ABLIM1: variants seen among roughly 807,000 people sequenced by gnomAD.
ABLIM1 encodes the protein actin binding LIM protein 1.
Under a neutral mutation model 107.0 loss-of-function variants are expected in ABLIM1, and 40 were observed. That is an observed-to-expected ratio of 0.37 (90% CI 0.29 to 0.49). The LOEUF is 0.49. Among genes scored for constraint, ABLIM1 ranks in the 20% least tolerant of loss-of-function variants. The pLI is 0.97. For missense variants in ABLIM1, 857 were observed against 1,008.5 expected (o/e 0.85, Z 2.04); for synonymous variants, 357 against 357.3 (o/e 1.00, Z 0.01).
chr10:114,500,390 G>A (rs1395838581), intron 6 of ABLIM1, among the ~76,000 whole-genome samples: 1 of 152,114 alleles, frequency 6.6e-6, no homozygotes, highest in Non-Finnish European at 1.5e-5. Context: ...TTCTTCACCT[G>A]TAAAAACTAG....
chr10:114,482,870 G>C (rs555300593), intron 8 of ABLIM1, among the ~76,000 whole-genome samples: 1 of 152,164 alleles, frequency 6.6e-6, no homozygotes, highest in South Asian at 2.1e-4. Flanking sequence ...TTTTCTTCAA[G>C]TCATGAAAAT....
At chr10:114,568,947 G>A (rs1316888165) in intron 4 of ABLIM1, among the ~76,000 whole-genome samples, 1 of 152,018 alleles carries the variant, frequency 6.6e-6, no homozygotes, top group Non-Finnish European at 1.5e-5. Flanking sequence ...TCAACATTTC[G>A]GTAGAGCTGT....
intron 1 of ABLIM1, among the ~76,000 whole-genome samples, chr10:114,673,797 C>A (rs368378464): frequency 7.2e-5 from 11 of 152,166 alleles, no homozygotes; most frequent in Admixed American, 7.2e-4. Flanking sequence ...TATTTGGACA[C>A]GATGACGGGC....
chr10:114,448,383 A>T, intron 14 of ABLIM1, among the ~76,000 whole-genome samples: 1 of 152,190 alleles, frequency 6.6e-6, no homozygotes, highest in Non-Finnish European at 1.5e-5. Context: ...GTCACATGTG[A>T]TTAGTGCCTA....
intron 2 of ABLIM1, among the ~76,000 whole-genome samples, chr10:114,598,837 T>G (rs1022240998): frequency 1.3e-5 from 2 of 149,782 alleles, no homozygotes; most frequent in African/African-American, 2.5e-5. Flanking sequence ...GTGGCTTGCA[T>G]TTTTTTTTTA....
chr10:114,637,503 C>A (rs1200275497), intron 1 of ABLIM1, among the ~76,000 whole-genome samples: 1 of 152,114 alleles, frequency 6.6e-6, no homozygotes, highest in Admixed American at 6.5e-5. Context: ...AATCAATGCC[C>A]GGCAAAGTTC....
At chr10:114,446,150 C>T (rs7100763) in intron 15 of ABLIM1, among the ~76,000 whole-genome samples, 33,993 of 152,092 alleles carry the variant, frequency 0.22, 4,846 homozygotes, top group African/African-American at 0.41. Flanking sequence ...TTGTGACATG[C>T]GTTTAAACCT....
At chr10:114,614,660 G>A (rs969964232) in intron 1 of ABLIM1, among the ~76,000 whole-genome samples, 1 of 152,160 alleles carries the variant, frequency 6.6e-6, no homozygotes, top group Non-Finnish European at 1.5e-5. Context: ...GTCAGCACCA[G>A]AGATTTGCCG....
At chr10:114,547,022 A>G (rs2483612) in intron 5 of ABLIM1, among the ~76,000 whole-genome samples, 118,166 of 151,954 alleles carry the variant, frequency 0.78, 46,546 homozygotes, top group African/African-American at 0.92. Flanking sequence ...GAACTCCTGA[A>G]CTCAAGTGAT....
At chr10:114,653,687 T>C (rs1456179583) in intron 1 of ABLIM1, among the ~76,000 whole-genome samples, 1 of 152,276 alleles carries the variant, frequency 6.6e-6, no homozygotes. Context: ...TACTGATCTA[T>C]TTCATTGATA....
chr10:114,591,069 G>A (rs1003455636), intron 2 of ABLIM1, among the ~76,000 whole-genome samples: 1 of 152,086 alleles, frequency 6.6e-6, no homozygotes, highest in Non-Finnish European at 1.5e-5. Context: ...TAATTAGTGG[G>A]AGACCAATCT....
the ABLIM1 span, chr10:114,775,836 C>A: frequency 6.6e-6 from 1 of 152,206 alleles, no homozygotes; most frequent in Non-Finnish European, 1.5e-5. Flanking sequence ...AAAGAAGCAT[C>A]TAATACAAAT....
chr10:114,443,627 T>G (rs12763615), intron 17 of ABLIM1, among the ~76,000 whole-genome samples: 1 of 142,402 alleles, frequency 7.0e-6, no homozygotes, highest in African/African-American at 2.6e-5. Flanking sequence ...TTGAAGATAT[T>G]AATGTAAAAT....
intron 8 of ABLIM1, among the ~76,000 whole-genome samples, chr10:114,485,017 T>C (rs74158011): frequency 0.021 from 3,151 of 152,386 alleles, 112 homozygotes; most frequent in African/African-American, 0.073. Context: ...GCTGAGCAGA[T>C]ACTTGTGCAG....
At chr10:114,484,801 T>G (rs1204021275) in intron 8 of ABLIM1, among the ~76,000 whole-genome samples, 2 of 152,146 alleles carry the variant, frequency 1.3e-5, no homozygotes, top group Non-Finnish European at 2.9e-5. Context: ...TGGGCAAATC[T>G]CAGCCAGCCT....
intron 5 of ABLIM1, among the ~76,000 whole-genome samples, chr10:114,547,088 G>A (rs988066335): frequency 9.2e-5 from 14 of 151,732 alleles, no homozygotes; most frequent in Non-Finnish European, 1.9e-4. Context: ...ACCACGCCCA[G>A]CAGGAAAATT....
At chr10:114,476,761 G>A (rs2056500292) in intron 8 of ABLIM1, among the ~76,000 whole-genome samples, 1 of 152,004 alleles carries the variant, frequency 6.6e-6, no homozygotes, top group Non-Finnish European at 1.5e-5. Context: ...ACAAGGAGAT[G>A]CTACCCCCTG....
chr10:114,544,935 C>T (rs1038905873), intron 6 of ABLIM1, 70 bp downstream of exon 6: 2 of 1,406,844 alleles, frequency 1.4e-6, no homozygotes, highest in African/African-American at 1.4e-5. Flanking sequence ...GAAAGGGTCC[C>T]CTCTTGTTTG....
intron 2 of ABLIM1, among the ~76,000 whole-genome samples, chr10:114,592,861 A>G (rs2075040247): frequency 6.6e-6 from 1 of 152,106 alleles, no homozygotes; most frequent in Non-Finnish European, 1.5e-5. Flanking sequence ...GCTGAAGAAG[A>G]AGGTTGGGGT....
Sources: gnomAD v4.1 joint callset for allele counts (sites outside exome capture counted in the v4.1 genomes callset) on GRCh38, gnomAD v4.1.1 for gene constraint, MANE v1.5 for transcripts, NCBI Gene and HGNC (gene_info 2026-07-23, HGNC 2026-07-21) for gene names.